Variants in NEXMIF observed in about 807,000 individuals in gnomAD.
NEXMIF encodes the protein neurite extension and migration factor.
NEXMIF carries 8 observed loss-of-function variants against 62.1 expected under a neutral mutation model. The ratio of observed to expected loss-of-function variants is 0.13; its 90% CI spans 0.08 to 0.23. The LOEUF (loss-of-function observed/expected upper bound fraction) is 0.23. Among genes scored for constraint, NEXMIF ranks in the 10% least tolerant of loss-of-function variants. NEXMIF has a pLI of 1.00. For missense variants in NEXMIF, 976 were observed against 1,113.3 expected, an observed-to-expected ratio of 0.88 and a Z score of 1.75; for synonymous variants, 404 against 416.6, an observed-to-expected ratio of 0.97 and a Z score of 0.37.
chrX:74,885,149 G>T (rs1451036160), intron 1 of NEXMIF, among the ~76,000 whole-genome samples: 1 of 110,696 alleles, frequency 9.0e-6, no homozygotes, highest in Non-Finnish European at 1.9e-5. Context: ...TCAAAGCAGT[G>T]TGTAGAGGGA....
At chrX:74,744,607 T>G in intron 2 of NEXMIF, 130 bp from the exon 3 acceptor site, 1 of 405,497 alleles carries the variant, frequency 2.5e-6, no homozygotes, top group Admixed American at 4.5e-5. Context: ...CATCTCTATC[T>G]TTACAAATAA....
At chrX:74,902,345 T>A (rs906768717) in intron 1 of NEXMIF, among the ~76,000 whole-genome samples, 1 of 109,670 alleles carries the variant, frequency 9.1e-6, no homozygotes, top group Non-Finnish European at 1.9e-5. Context: ...TGTATGTTTA[T>A]GTGTGTGTAT....
intron 1 of NEXMIF, among the ~76,000 whole-genome samples, chrX:74,924,317 TG>T (rs1344992799): frequency 9.0e-6 from 1 of 111,442 alleles, no homozygotes; most frequent in African/African-American, 3.3e-5. Context: ...GGAGATGAGC[TG>T]GGCGAGGCTC....
chrX:74,778,083 T>C (rs2080233921), intron 1 of NEXMIF, among the ~76,000 whole-genome samples: 1 of 111,805 alleles, frequency 8.9e-6, no homozygotes, highest in African/African-American at 3.2e-5. Flanking sequence ...TCAACCAACT[T>C]ATAAAGACTG....
chrX:74,800,820 G>A (rs2080327457), intron 1 of NEXMIF, among the ~76,000 whole-genome samples: 1 of 110,879 alleles, frequency 9.0e-6, no homozygotes, highest in South Asian at 3.8e-4. Flanking sequence ...TTGATAGACT[G>A]TTAACTAAAG....
At position 74,735,912 on chromosome X, in the gene NEXMIF, T is replaced by C. The variant is rs1216676341; in HGVS notation, c.*3493A>G. 1 of 111,564 alleles carries C rather than the reference T, an allele frequency of 9.0e-6. No homozygotes were observed. The highest frequency in any genetic ancestry group is 3.3e-5 in the African/African-American group (1 of 30,617). 9.2% of individuals were successfully genotyped at this position (111,564 alleles called of 1,213,427 possible). ...CAAAGTCTCAATACCCTTCTCCATA[T>C]AATATAGCACCTAACCAGGGCAGGA... On this transcript the variant is annotated 3_prime_UTR_variant, in exon 4 of 4. Coordinates refer to ENST00000055682, the MANE Select transcript of NEXMIF (RefSeq NM_001008537.3).
chrX:74,922,447 T>A (rs1211581730), intron 1 of NEXMIF, among the ~76,000 whole-genome samples: 1 of 112,107 alleles, frequency 8.9e-6, no homozygotes. Flanking sequence ...TGTCAAATTC[T>A]GCCATGTACT....
At chrX:74,868,632 G>T (rs1283500486) in intron 1 of NEXMIF, among the ~76,000 whole-genome samples, 1 of 105,810 alleles carries the variant, frequency 9.5e-6, no homozygotes, top group Non-Finnish European at 1.9e-5. Flanking sequence ...GTTGGGGGGT[G>T]GGGGGGAAGA....
intron 1 of NEXMIF, among the ~76,000 whole-genome samples, chrX:74,825,591 G>A (rs779948878): frequency 1.2e-4 from 14 of 112,085 alleles, no homozygotes; most frequent in Non-Finnish European, 2.1e-4. Flanking sequence ...TCTTGCTCTT[G>A]TCGCCCAGGC....
intron 1 of NEXMIF, among the ~76,000 whole-genome samples, chrX:74,865,970 T>C (rs1339322496): frequency 1.8e-5 from 2 of 111,261 alleles, no homozygotes; most frequent in South Asian, 3.8e-4. Flanking sequence ...AAGGCAAATA[T>C]GGGGTGGAAG....
At chrX:74,767,721 G>A (rs919034594) in intron 1 of NEXMIF, among the ~76,000 whole-genome samples, 10 of 111,621 alleles carry the variant, frequency 9.0e-5, no homozygotes, top group Admixed American at 3.8e-4. Flanking sequence ...GTAGGGTGAG[G>A]GACCCATGTA....
chrX:74,791,633 T>C (rs369605188), intron 1 of NEXMIF, among the ~76,000 whole-genome samples: 1 of 111,172 alleles, frequency 9.0e-6, no homozygotes, highest in South Asian at 3.9e-4. Context: ...GGTAAGCTAT[T>C]GATTATTGCC....
intron 1 of NEXMIF, among the ~76,000 whole-genome samples, chrX:74,873,140 A>C (rs1316131111): frequency 2.8e-5 from 3 of 107,830 alleles, no homozygotes; most frequent in East Asian, 2.9e-4. Context: ...TCCCTCCCCC[A>C]TCCCCCAACC....
chrX:74,893,950 CT>C (rs1434110692), intron 1 of NEXMIF, among the ~76,000 whole-genome samples: 1 of 111,341 alleles, frequency 9.0e-6, no homozygotes, highest in African/African-American at 3.3e-5. Context: ...AAACAGTTGA[CT>C]TTTTGAAAAA....
chrX:74,910,679 C>T (rs1377233213), intron 1 of NEXMIF, among the ~76,000 whole-genome samples: 2 of 111,686 alleles, frequency 1.8e-5, no homozygotes, highest in African/African-American at 6.5e-5. Flanking sequence ...TGTGTGCCCA[C>T]CCAAATCTCA....
chrX:74,914,835 C>G (rs370058773), intron 1 of NEXMIF, among the ~76,000 whole-genome samples: 1 of 112,176 alleles, frequency 8.9e-6, no homozygotes, highest in South Asian at 3.7e-4. Flanking sequence ...TACACTAATA[C>G]CATGTAATAC....
intron 1 of NEXMIF, among the ~76,000 whole-genome samples, chrX:74,887,858 G>C (rs1172312112): frequency 8.9e-6 from 1 of 111,869 alleles, no homozygotes; most frequent in Non-Finnish European, 1.9e-5. Flanking sequence ...TATGTTTATT[G>C]CGGCACTATT....
intron 1 of NEXMIF, among the ~76,000 whole-genome samples, chrX:74,767,971 AG>A (rs969591703): frequency 9.0e-6 from 1 of 110,507 alleles, no homozygotes; most frequent in South Asian, 3.9e-4. Flanking sequence ...TATGTATGGG[AG>A]GGGGGGTCTA....
At chrX:74,851,396 T>A (rs1237822151) in intron 1 of NEXMIF, among the ~76,000 whole-genome samples, 1 of 110,835 alleles carries the variant, frequency 9.0e-6, no homozygotes, top group Non-Finnish European at 1.9e-5. Flanking sequence ...ATACATATCG[T>A]CTAAAAAGGT....
Sources: allele counts gnomAD v4.1 joint callset (sites outside exome capture counted in the v4.1 genomes callset), GRCh38; gene constraint gnomAD v4.1.1; transcripts MANE v1.5; gene names NCBI Gene and HGNC (gene_info 2026-07-23, HGNC 2026-07-21).